C4orf36: variants seen among roughly 807,000 people sequenced by gnomAD.
C4orf36 encodes chromosome 4 open reading frame 36.
A neutral mutation model predicts 12.2 loss-of-function variants in C4orf36; 11 were observed. That is an observed-to-expected ratio of 0.90 (90% CI 0.57 to 1.49). The LOEUF (loss-of-function observed/expected upper bound fraction) is 1.49. C4orf36 is among the 40% of genes most tolerant of loss of function. C4orf36 has a pLI of 0.00. For synonymous variants in C4orf36, 54 were observed against 51.3 expected (o/e 1.05, Z -0.22); for missense variants, 137 against 133.9 (o/e 1.02, Z -0.11).
chr4:86,914,399 T>A, the C4orf36 span: 1 of 827,066 alleles, frequency 1.2e-6, no homozygotes, highest in Non-Finnish European at 1.8e-6. Flanking sequence ...TCCTTTTTTT[T>A]TTTTTTTTTT....
At chr4:86,919,315 C>CTTTTTTTT in the C4orf36 span, among the ~76,000 whole-genome samples, 23 of 81,354 alleles carry the variant, frequency 2.8e-4, no homozygotes, top group Admixed American at 5.6e-4. Flanking sequence ...TTTTTTCCCC[C>CTTTTTTTT]TTTTTTTTTT....
At chr4:86,879,857 T>C (rs1313805213) in intron 4 of C4orf36, among the ~76,000 whole-genome samples, 1 of 151,164 alleles carries the variant, frequency 6.6e-6, no homozygotes, top group Non-Finnish European at 1.5e-5. Flanking sequence ...GTTTCTTTTT[T>C]TTTTTTTTTT....
the C4orf36 span, chr4:86,914,603 A>C: frequency 2.9e-6 from 1 of 339,956 alleles, no homozygotes. Context: ...GGGTTTCACC[A>C]TCTTGGCCAG....
chr4:86,884,447 G>A (rs1747123515), intron 4 of C4orf36, among the ~76,000 whole-genome samples: 2 of 151,912 alleles, frequency 1.3e-5, no homozygotes, highest in Middle Eastern at 3.2e-3. Context: ...TGGGACTACA[G>A]GCACACAGCA....
At chr4:86,891,361 G>A in intron 2 of C4orf36, 95 bp downstream of exon 2, 1 of 1,128,992 alleles carries the variant, frequency 8.9e-7, no homozygotes, top group Admixed American at 1.9e-5. Context: ...AGTATCTCAT[G>A]GGGAGCACAG....
the C4orf36 span, chr4:86,914,597 T>C: frequency 2.9e-6 from 1 of 349,130 alleles, no homozygotes; most frequent in African/African-American, 2.2e-5. Context: ...GAGATGGGGT[T>C]TCACCATCTT....
chr4:86,917,088 G>A, the C4orf36 span, among the ~76,000 whole-genome samples: 1 of 152,042 alleles, frequency 6.6e-6, no homozygotes, highest in South Asian at 2.1e-4. Flanking sequence ...GACCAGCCTG[G>A]GCAACATAGT....
the C4orf36 span, among the ~76,000 whole-genome samples, chr4:86,920,069 T>C: frequency 6.6e-6 from 1 of 152,184 alleles, no homozygotes; most frequent in Non-Finnish European, 1.5e-5. Flanking sequence ...TCAGATATCC[T>C]AGCTTATCAC....
chr4:86,916,368 A>C, the C4orf36 span, among the ~76,000 whole-genome samples: 7 of 51,884 alleles, frequency 1.3e-4, no homozygotes, highest in Non-Finnish European at 3.8e-4. Context: ...GTGGATGCAA[A>C]AAAAAAAAAA....
intron 4 of C4orf36, among the ~76,000 whole-genome samples, chr4:86,885,139 C>T (rs1363405742): frequency 6.6e-6 from 1 of 152,096 alleles, no homozygotes; most frequent in Admixed American, 6.6e-5. Flanking sequence ...CGTGATGCCT[C>T]CAGCTTTGTT....
Position 86,892,389 on chromosome 4 carries a change from C to T in C4orf36, c.-280G>A, listed in dbSNP as rs968906138. 1.1e-5 allele frequency: 11 copies of T among 985,424 alleles called. No homozygotes were observed. In the Admixed American group the frequency reaches 4.3e-4, roughly 39 times the overall value. 61.0% of individuals were successfully genotyped at this position (985,424 alleles called of 1,614,324 possible). A position where few individuals can be genotyped will look rare whatever the true frequency, so the allele number is the denominator to read the frequency against. The stretch of plus-strand genomic sequence containing the variant: ...GCCTCGGGGCCGCGCCGCAGGCACA[C>T]GCCTCCTTCCCGCTCGCCGCGGGCG... On this transcript the variant is annotated 5_prime_UTR_variant, in exon 1 of 5. In the 5' UTR this introduces an upstream ATG that the reference lacks. Transcript: ENST00000295898.
At chr4:86,893,869 TTTA>T (rs1299023994), upstream of C4orf36, among the ~76,000 whole-genome samples, 160 of 14,702 alleles carry the variant, frequency 0.011, 2 homozygotes, top group South Asian at 0.012. Context: ...TGAATTTTTA[TTTA>T]TTTATTTATT....
the C4orf36 span, among the ~76,000 whole-genome samples, chr4:86,905,054 A>G: frequency 6.6e-6 from 1 of 151,712 alleles, no homozygotes; most frequent in African/African-American, 2.4e-5. Flanking sequence ...TAGGCAACAT[A>G]ATGAGACCCC....
chr4:86,931,161 G>C, the C4orf36 span, among the ~76,000 whole-genome samples: 1 of 152,196 alleles, frequency 6.6e-6, no homozygotes, highest in African/African-American at 2.4e-5. Context: ...TTCACTATCA[G>C]TTTCTGGTTG....
the C4orf36 span, among the ~76,000 whole-genome samples, chr4:86,916,761 T>C: frequency 6.6e-6 from 1 of 152,354 alleles, no homozygotes; most frequent in South Asian, 2.1e-4. Context: ...TCCACCATCA[T>C]GGTATTCCAC....
the C4orf36 span, among the ~76,000 whole-genome samples, chr4:86,907,972 AAG>A: frequency 1.3e-5 from 2 of 151,784 alleles, no homozygotes; most frequent in Non-Finnish European, 2.9e-5. Flanking sequence ...AAAAAAAAAA[AAG>A]AGAAAAAAAG....
chr4:86,876,251 A>C lies in C4orf36; in HGVS notation c.*195T>G, dbSNP rs997004685. 2.7e-5 allele frequency: 15 copies of C among 565,494 alleles called. No individual in the cohort carries two copies. In the Admixed American group the frequency reaches 3.0e-4, roughly 11 times the overall value. 35.0% of individuals were successfully genotyped at this position (565,494 alleles called of 1,614,324 possible). On this transcript the variant is annotated 3_prime_UTR_variant, in exon 5 of 5. Coordinates refer to ENST00000295898, the MANE Select transcript of C4orf36 (RefSeq NM_144645.4). ...CTGGCAATGTTTAAAAAGAGAAACA[A>C]ACTGAGTTCCACTGAAATTAAGAGA...
the C4orf36 span, among the ~76,000 whole-genome samples, chr4:86,904,166 C>G: frequency 5.4e-4 from 82 of 152,340 alleles, 2 homozygotes; most frequent in South Asian, 0.015. Context: ...GAGCTCATCC[C>G]GAGATCAAGC....
At chr4:86,878,129 G>T (rs534396346) in intron 4 of C4orf36, among the ~76,000 whole-genome samples, 1 of 151,606 alleles carries the variant, frequency 6.6e-6, no homozygotes, top group East Asian at 1.9e-4. Context: ...AAAATTGGAA[G>T]ATCTTCCCCT....
Sources: gnomAD v4.1 joint callset for allele counts (sites outside exome capture counted in the v4.1 genomes callset) on GRCh38, gnomAD v4.1.1 for gene constraint, MANE v1.5 for transcripts, NCBI Gene and HGNC (gene_info 2026-07-23, HGNC 2026-07-21) for gene names.